The following DDHD2 variants were observed in gnomAD, a reference collection of about 807,000 sequenced individuals.
The protein encoded by DDHD2 is triacylglycerol hydrolase DDHD2.
Under a neutral mutation model 91.2 loss-of-function variants are expected in DDHD2, and 62 were observed. The ratio of observed to expected loss-of-function variants is 0.68; its 90% CI spans 0.55 to 0.84. The LOEUF is 0.84. Among genes scored for constraint, DDHD2 ranks in the 40% least tolerant of loss-of-function variants. DDHD2 has a pLI of 0.00. For synonymous variants in DDHD2, 271 were observed against 293.9 expected, an observed-to-expected ratio of 0.92 and a Z score of 0.80; for missense variants, 740 against 846.9, an observed-to-expected ratio of 0.87 and a Z score of 1.57.
At chr8:38,247,133 CTT>C (rs777642736) in intron 9 of DDHD2, 11 of 133,772 alleles carry the variant, frequency 8.2e-5, no homozygotes, top group Non-Finnish European at 8.1e-5. Flanking sequence ...TTTTTTCTTT[CTT>C]TTTTTTTTTT....
At chr8:38,245,635 A>C in intron 7 of DDHD2, 107 bp from the exon 8 acceptor site, 2 of 1,041,862 alleles carry the variant, frequency 1.9e-6, no homozygotes, top group Non-Finnish European at 1.4e-6. Context: ...TTTTCCTATA[A>C]ATCGACAATT....
intron 1 of DDHD2, chr8:38,268,114 T>C: frequency 1.4e-6 from 2 of 1,457,456 alleles, no homozygotes; most frequent in Non-Finnish European, 1.8e-6. Context: ...ATCACTCTTT[T>C]GTAGCCGAGA....
intron 16 of DDHD2, among the ~76,000 whole-genome samples, chr8:38,259,387 G>GTTTT (rs1241069968): frequency 7.5e-6 from 1 of 132,912 alleles, no homozygotes. Context: ...CGCCTGGCTA[G>GTTTT]TTTTTTTTTT....
intron 6 of DDHD2, among the ~76,000 whole-genome samples, chr8:38,241,666 G>A (rs1805272877): frequency 6.6e-6 from 1 of 151,706 alleles, no homozygotes; most frequent in South Asian, 2.1e-4. Context: ...AAATCCACCT[G>A]CCTTGGCCCC....
At chr8:38,271,536 A>G (rs1808482903), downstream of DDHD2, 1 of 152,160 alleles carries the variant, frequency 6.6e-6, no homozygotes, top group Non-Finnish European at 1.5e-5. Flanking sequence ...AAGCTGTCTA[A>G]TTATAGTATT....
chr8:38,253,617 G>A lies in DDHD2; in HGVS notation c.1953G>A (p.Gly651=). The change falls in exon 16 of 18, where the codon GGG becomes GGA. Residue 651 remains glycine (G), a synonymous_variant. Transcript: ENST00000397166. ...VKEEVLPINV[G]MLNGGQRIDY... ...AAGAAGTCCTGCCTATCAATGTGGG[G>A]ATGCTGAATGGAGGCCAACGCATTG... The A allele has an allele frequency of 5.6e-6, 9 of 1,614,094 alleles. No individual in the cohort carries two copies. Among genetic ancestry groups the A allele is most frequent in the Non-Finnish European group, 7.6e-6 (9 of 1,179,942 alleles).
At chr8:38,256,489 T>G (rs1435157829) in intron 16 of DDHD2, among the ~76,000 whole-genome samples, 1 of 151,916 alleles carries the variant, frequency 6.6e-6, no homozygotes, top group Non-Finnish European at 1.5e-5. Flanking sequence ...CCTAATTTTT[T>G]TTAAATTTAT....
At chr8:38,264,349 C>T, downstream of DDHD2, 2 of 1,002,546 alleles carry the variant, frequency 2.0e-6, no homozygotes, top group South Asian at 4.1e-5. Context: ...CCATGTTGGC[C>T]AGGCTGGTCC....
At chr8:38,232,695 A>T (rs1223451479) in intron 1 of DDHD2, among the ~76,000 whole-genome samples, 7 of 152,190 alleles carry the variant, frequency 4.6e-5, no homozygotes, top group African/African-American at 2.4e-5. Flanking sequence ...AGTTTCGAGC[A>T]TGTGGTCCTG....
Position 38,252,714 on chromosome 8 carries a change from C to G in DDHD2, c.1618-8C>G, listed in dbSNP as rs1255003177. The G allele has an allele frequency of 7.5e-6, 12 of 1,604,278 alleles. No individual in the cohort carries two copies. In the South Asian group the frequency reaches 9.9e-5, roughly 13 times the overall value. On this transcript the variant is annotated splice_polypyrimidine_tract_variant and splice_region_variant and intron_variant, in intron 13 of 17. Coordinates refer to ENST00000397166, the MANE Select transcript of DDHD2 (RefSeq NM_015214.3). ...GAGGTAAATGTAGCTCTTGTTTTTC[C>G]TATGTAGTTTGATCCTGTGGCCTAT...
rs147298498 is a variant in DDHD2 at position 38,245,766 on chromosome 8, C to T, written c.873C>T (p.Pro291=). 3.7e-6 allele frequency: 6 copies of T among 1,614,104 alleles called. No homozygotes were observed. In the Admixed American group the frequency reaches 5.0e-5, roughly 13 times the overall value. The part of the protein sequence containing the change: ...VDVDLQRITL[P]SINRLRHFTN... ...GAGATCTGCAGCGAATAACCCTGCC[C>T]AGCATTAACCGCCTCAGGCACTTCA... The change falls in exon 8 of 18, where the codon CCC becomes CCT. Residue 291 remains proline, a synonymous_variant. Coordinates refer to ENST00000397166, the MANE Select transcript of DDHD2 (RefSeq NM_015214.3).
At position 38,261,432 on chromosome 8, in the gene DDHD2, G is replaced by T. The variant is rs1460846690; in HGVS notation, c.*859G>T. On this transcript the variant is annotated 3_prime_UTR_variant, in exon 18 of 18. Coordinates refer to ENST00000397166, the MANE Select transcript of DDHD2 (RefSeq NM_015214.3). ...TGTGTAGCCTCTACAGGCTGCTGAG[G>T]TTCTAAATAAAACCTTTTAGTGGTG... 6.6e-6 allele frequency: 1 copy of T among 152,196 alleles called. No individual in the cohort carries two copies. Among genetic ancestry groups the T allele is most frequent in the Non-Finnish European group, 1.5e-5 (1 of 68,042 alleles). 9.4% of individuals were successfully genotyped at this position (152,196 alleles called of 1,614,324 possible). A position where few individuals can be genotyped will look rare whatever the true frequency, so the allele number is the denominator to read the frequency against.
intron 3 of DDHD2, among the ~76,000 whole-genome samples, chr8:38,235,478 T>C (rs1804642124): frequency 6.6e-6 from 1 of 151,862 alleles, no homozygotes; most frequent in African/African-American, 2.4e-5. Flanking sequence ...TCCCAGCAGT[T>C]TGGGGGGCTG....
intron 17 of DDHD2, 35 bp downstream of exon 17, chr8:38,260,182 C>A (rs2130889049): frequency 1.7e-6 from 2 of 1,161,174 alleles, no homozygotes; most frequent in South Asian, 1.3e-5. Context: ...TAGTGTAATT[C>A]TTACATATTA....
At chr8:38,248,576 A>C (rs190946590) in intron 10 of DDHD2, among the ~76,000 whole-genome samples, 170 of 152,194 alleles carry the variant, frequency 1.1e-3, no homozygotes, top group African/African-American at 3.8e-3. Context: ...CAATTACAAT[A>C]AGTAAGTAGG....
At chr8:38,235,240 C>G (rs1018831620) in intron 3 of DDHD2, among the ~76,000 whole-genome samples, 2 of 151,866 alleles carry the variant, frequency 1.3e-5, no homozygotes, top group African/African-American at 4.8e-5. Context: ...GAGAGTTGTT[C>G]CTACTGATTT....
intron 1 of DDHD2, chr8:38,270,374 C>T (rs769430735): frequency 1.3e-5 from 2 of 152,108 alleles, no homozygotes; most frequent in Non-Finnish European, 2.9e-5. Flanking sequence ...GTTTGTTGTG[C>T]AATATCACTC....
rs558962021 is a variant in DDHD2, at chr8:38,269,534, A to G, written n.88-1588A>G. 5.3e-5 allele frequency among the ~76,000 whole-genome samples: 8 copies of G among 152,296 alleles called. No individual in the cohort carries two copies. The South Asian group carries it at 1.5e-3, about 28-fold the overall frequency. Reference sequence around the variant, plus strand: ...ACCTCGCCTCTAAATGGAAAACCAAACAGCCCGCTCTCAGATCCTCGTTCC... The same window carrying G: ...ACCTCGCCTCTAAATGGAAAACCAAGCAGCCCGCTCTCAGATCCTCGTTCC... On this transcript the variant is annotated intron_variant and non_coding_transcript_variant, in intron 1 of 1. Transcript: ENST00000526071.
chr8:38,253,140 GT>G lies in DDHD2; in HGVS notation c.1891+14del. 1 of 1,604,190 alleles carries G rather than the reference GT, an allele frequency of 6.2e-7. No individual in the cohort carries two copies. The highest frequency in any genetic ancestry group is 1.1e-5 in the South Asian group (1 of 89,306). On this transcript the variant is annotated intron_variant, in intron 15 of 17. Transcript: ENST00000397166. ...GAGAAGCCTAGTGGTCAGTGACACT[GT>G]ACACATTGACCAGCTGCCAGATAAG...
Sources: allele counts gnomAD v4.1 joint callset (sites outside exome capture counted in the v4.1 genomes callset), GRCh38; gene constraint gnomAD v4.1.1; transcripts MANE v1.5; gene names NCBI Gene and HGNC (gene_info 2026-07-23, HGNC 2026-07-21).